The following TEAD1 variants were observed in gnomAD, a reference collection of about 807,000 sequenced individuals.
The protein encoded by TEAD1 is transcriptional enhancer factor TEF-1.
TEAD1 carries 9 observed loss-of-function variants against 54.9 expected under a neutral mutation model. That is an observed-to-expected ratio of 0.16 (90% CI 0.10 to 0.29). The LOEUF (loss-of-function observed/expected upper bound fraction) is 0.29, where lower values mean the gene tolerates loss of function less well. Ranked by LOEUF, TEAD1 falls within the 10% of genes least tolerant of loss-of-function variation. TEAD1 has a pLI of 1.00. For missense variants in TEAD1, 387 were observed against 535.9 expected (o/e 0.72, Z 2.74); for synonymous variants, 200 against 187.8 (o/e 1.07, Z -0.53).
intron 6 of TEAD1, among the ~76,000 whole-genome samples, chr11:12,880,153 T>C (rs888949956): frequency 6.6e-6 from 1 of 152,098 alleles, no homozygotes; most frequent in Non-Finnish European, 1.5e-5. Flanking sequence ...AAATGTGCCT[T>C]TCTGGGTTGG....
rs16911599 is a variant in TEAD1 at position 12,794,479 on chromosome 11, T to C, written c.202+30045T>C. Among the ~76,000 whole-genome samples, 636 of 152,328 alleles carry C rather than the reference T, an allele frequency of 4.2e-3. 5 individuals are homozygous for C. Among genetic ancestry groups the C allele is most frequent in the African/African-American group, 0.014 (587 of 41,572 alleles). ...CATGGTGTTGATGGATTTTGGGTAATCAAGGGAGATTTGGAATATCCCTCT... is the reference window on the plus strand; with the variant it reads ...CATGGTGTTGATGGATTTTGGGTAACCAAGGGAGATTTGGAATATCCCTCT... On this transcript the variant is annotated intron_variant, in intron 3 of 12. Transcript: ENST00000527636.
At chr11:12,864,942 C>T in intron 5 of TEAD1, 42 bp downstream of exon 5, 1 of 1,605,696 alleles carries the variant, frequency 6.2e-7, no homozygotes, top group East Asian at 2.2e-5. Flanking sequence ...TGCTATGCAT[C>T]TCACTTCCTG....
At chr11:12,876,565 A>G (rs1041947269) in intron 5 of TEAD1, among the ~76,000 whole-genome samples, 3 of 152,114 alleles carry the variant, frequency 2.0e-5, no homozygotes, top group Non-Finnish European at 2.9e-5. Context: ...TATTGCTCAG[A>G]TGTGTCAGTC....
intron 12 of TEAD1, among the ~76,000 whole-genome samples, chr11:12,934,088 G>A (rs750770415): frequency 2.6e-5 from 4 of 152,124 alleles, no homozygotes; most frequent in Admixed American, 6.5e-5. Flanking sequence ...ACATGCACAC[G>A]TATGTTTATT....
At chr11:12,843,300 A>G (rs1947076802) in intron 3 of TEAD1, among the ~76,000 whole-genome samples, 1 of 152,232 alleles carries the variant, frequency 6.6e-6, no homozygotes, top group Non-Finnish European at 1.5e-5. Context: ...AAGATCATGC[A>G]TCCTCGTTCC....
intron 3 of TEAD1, chr11:12,823,374 T>C (rs534622400): frequency 1.3e-5 from 2 of 152,306 alleles, no homozygotes; most frequent in South Asian, 4.1e-4. Context: ...AAGGTTGCCA[T>C]GAATCAACAA....
At chr11:12,693,811 G>A (rs1943517838) in intron 2 of TEAD1, among the ~76,000 whole-genome samples, 1 of 152,226 alleles carries the variant, frequency 6.6e-6, no homozygotes, top group Non-Finnish European at 1.5e-5. Flanking sequence ...CATGAATCAT[G>A]AGATGAGTCA....
chr11:12,824,252 C>G (rs148415420), intron 3 of TEAD1, among the ~76,000 whole-genome samples: 2 of 152,176 alleles, frequency 1.3e-5, no homozygotes, highest in African/African-American at 4.8e-5. Flanking sequence ...AATAACTACA[C>G]TGGACACTGG....
chr11:12,901,912 T>A (rs762515985), intron 9 of TEAD1, 28 bp from the exon 10 acceptor site: 1 of 1,614,154 alleles, frequency 6.2e-7, no homozygotes, highest in Non-Finnish European at 8.5e-7. Flanking sequence ...GAGTTTGTAA[T>A]GGGAATGTTT....
At chr11:12,781,112 T>C (rs976123664) in intron 3 of TEAD1, among the ~76,000 whole-genome samples, 1 of 152,198 alleles carries the variant, frequency 6.6e-6, no homozygotes, top group African/African-American at 2.4e-5. Context: ...TAATAGACTT[T>C]TCAACAAATG....
chr11:12,786,659 C>T (rs1590150651), intron 3 of TEAD1, among the ~76,000 whole-genome samples: 2 of 152,076 alleles, frequency 1.3e-5, no homozygotes, highest in East Asian at 3.9e-4. Flanking sequence ...TTATTGAGTG[C>T]CAAGGATATG....
intron 3 of TEAD1, 91 bp from the exon 4 acceptor site, chr11:12,862,159 C>A (rs1288997876): frequency 1.1e-5 from 11 of 996,968 alleles, no homozygotes; most frequent in Non-Finnish European, 1.7e-5. Context: ...TTTTAAAATT[C>A]TTGATTCTGA....
At chr11:12,786,855 G>A (rs1945687010) in intron 3 of TEAD1, among the ~76,000 whole-genome samples, 1 of 152,208 alleles carries the variant, frequency 6.6e-6, no homozygotes, top group South Asian at 2.1e-4. Context: ...ATTCAAACCT[G>A]AAGAAGATGA....
At chr11:12,811,172 T>C (rs998914002) in intron 3 of TEAD1, among the ~76,000 whole-genome samples, 14 of 152,188 alleles carry the variant, frequency 9.2e-5, no homozygotes, top group South Asian at 2.1e-4. Context: ...AGAGGAGATA[T>C]CTTTCTGGGG....
intron 2 of TEAD1, among the ~76,000 whole-genome samples, chr11:12,745,586 G>GTT (rs1310077780): frequency 1.4e-5 from 2 of 145,458 alleles, no homozygotes; most frequent in African/African-American, 5.5e-5. Flanking sequence ...CATTTTAAGG[G>GTT]GTTTTTTTTT....
chr11:12,832,457 C>G (rs987288321), intron 3 of TEAD1, among the ~76,000 whole-genome samples: 2 of 152,190 alleles, frequency 1.3e-5, no homozygotes, highest in African/African-American at 4.8e-5. Flanking sequence ...TCTATACATT[C>G]TTGGTAAGAC....
chr11:12,895,749 A>T (rs1460425736), intron 9 of TEAD1, among the ~76,000 whole-genome samples: 1 of 152,300 alleles, frequency 6.6e-6, no homozygotes, highest in Admixed American at 6.5e-5. Flanking sequence ...CTCACCTTCC[A>T]GTTCTACTTT....
intron 2 of TEAD1, among the ~76,000 whole-genome samples, chr11:12,687,270 T>C (rs1490684792): frequency 6.6e-6 from 1 of 152,228 alleles, no homozygotes; most frequent in Non-Finnish European, 1.5e-5. Flanking sequence ...ACTTATCTTA[T>C]CATACCATCC....
At chr11:12,796,725 CA>C (rs538261179) in intron 3 of TEAD1, among the ~76,000 whole-genome samples, 1,603 of 135,978 alleles carry the variant, frequency 0.012, 26 homozygotes, top group African/African-American at 0.034. Context: ...GATCCTGACT[CA>C]AAAAAAAAAA....
Sources: gnomAD v4.1 joint callset for allele counts (sites outside exome capture counted in the v4.1 genomes callset) on GRCh38, gnomAD v4.1.1 for gene constraint, MANE v1.5 for transcripts, NCBI Gene and HGNC (gene_info 2026-07-23, HGNC 2026-07-21) for gene names.